The following KIR2DL3 variants were observed in gnomAD, a reference collection of about 807,000 sequenced individuals.
KIR2DL3 encodes the protein killer cell immunoglobulin like receptor, two Ig domains and long cytoplasmic tail 3.
In KIR2DL3, 39 loss-of-function variants were observed where a neutral mutation model predicts 33.8. That is an observed-to-expected ratio of 1.15 (90% CI 0.89 to 1.51). The LOEUF (loss-of-function observed/expected upper bound fraction) is 1.51, where lower values mean the gene tolerates loss of function less well. KIR2DL3 is among the 40% of genes most tolerant of loss of function. KIR2DL3 has a pLI of 0.00. For synonymous variants in KIR2DL3, 174 were observed against 160.2 expected, an observed-to-expected ratio of 1.09 and a Z score of -0.65; for missense variants, 462 against 426.2, an observed-to-expected ratio of 1.08 and a Z score of -0.74.
chr19:54,739,298 G>T (rs1480609039), intron 1 of KIR2DL3, among the ~76,000 whole-genome samples: 2 of 151,836 alleles, frequency 1.3e-5, no homozygotes, highest in Non-Finnish European at 2.9e-5. Flanking sequence ...GCCTGGAGTG[G>T]AGATATGGGC....
intron 4 of KIR2DL3, among the ~76,000 whole-genome samples, chr19:54,744,928 A>ATATATGTG (rs1555906811): frequency 6.0e-5 from 1 of 16,770 alleles, no homozygotes; most frequent in African/African-American, 2.1e-4. Flanking sequence ...AAACATATAT[A>ATATATGTG]TATATATATA....
chr19:54,740,401 C>T (rs1459365832), intron 2 of KIR2DL3, among the ~76,000 whole-genome samples: 104 of 151,604 alleles, frequency 6.9e-4, no homozygotes, highest in African/African-American at 2.4e-3. Context: ...GGTGCCTGTC[C>T]CTGAGCTCTA....
chr19:54,750,217 T>A (rs1183249815), intron 5 of KIR2DL3, among the ~76,000 whole-genome samples: 1 of 133,544 alleles, frequency 7.5e-6, no homozygotes, highest in Non-Finnish European at 1.6e-5. Flanking sequence ...CTGTGGAGAT[T>A]CAGATAGGCT....
chr19:54,744,188 G>A (rs2071795614), intron 4 of KIR2DL3, 100 bp downstream of exon 4: 3 of 1,548,686 alleles, frequency 1.9e-6, no homozygotes, highest in Non-Finnish European at 2.6e-6. Context: ...GATGCAGAGA[G>A]AAGACGAAGC....
At chr19:54,739,174 G>C (rs1480510891) in intron 1 of KIR2DL3, among the ~76,000 whole-genome samples, 1 of 151,462 alleles carries the variant, frequency 6.6e-6, no homozygotes, top group Non-Finnish European at 1.5e-5. Context: ...GGAGATATGG[G>C]CTTAGGGTGG....
At position 54,742,134 on chromosome 19, in the gene KIR2DL3, G is replaced by A. The variant is rs370162660; in HGVS notation, c.225G>A (p.Glu75=). ...KFKDTLHLIG[E]HHDGVSKANF... ...AGGACACTTTGCACCTCATTGGAGA[G>A]CACCATGATGGGGTCTCCAAGGCCA... is the stretch of plus-strand genomic sequence containing the variant. The change falls in exon 3 of 8, where the codon GAG becomes GAA. Residue 75 remains glutamate, a synonymous_variant. Coordinates refer to ENST00000342376, the MANE Select transcript of KIR2DL3 (RefSeq NM_015868.3). 46 of 1,613,836 alleles carry A rather than the reference G, an allele frequency of 2.9e-5. No individual in the cohort carries two copies. In the Middle Eastern group the frequency reaches 4.9e-4, roughly 17 times the overall value.
chr19:54,742,351 T>A lies in KIR2DL3; in HGVS notation c.370+72T>A, dbSNP rs1309269470. ...TGATCCACGACTTGGAACCCCCAGG[T>A]AGTTGTAAGGAAGATGAGCTTGGTA... On this transcript the variant is annotated intron_variant, in intron 3 of 7. Coordinates refer to ENST00000342376, the MANE Select transcript of KIR2DL3 (RefSeq NM_015868.3). 7 of 1,562,572 alleles carry A rather than the reference T, an allele frequency of 4.5e-6. No homozygotes were observed. In the African/African-American group the frequency reaches 8.2e-5, roughly 18 times the overall value.
At chr19:54,739,412 A>G (rs1311276157) in intron 1 of KIR2DL3, 95 bp from the exon 2 acceptor site, 85 of 1,599,218 alleles carry the variant, frequency 5.3e-5, no homozygotes, top group African/African-American at 1.3e-5. Flanking sequence ...CAGCCCAGGA[A>G]GGGCCTGGCT....
At chr19:54,738,778 G>A (rs2070295628) in intron 1 of KIR2DL3, among the ~76,000 whole-genome samples, 199 bp downstream of exon 1, 1 of 150,006 alleles carries the variant, frequency 6.7e-6, no homozygotes, top group African/African-American at 2.5e-5. Flanking sequence ...GCCTGCAGTA[G>A]AGATATGGGC....
rs1303007690 is a variant in KIR2DL3, at chr19:54,752,406, C to G, written c.913C>G (p.Gln305Glu). Reference sequence around the variant, plus strand: ...AGACCCTCAGGAGGTGACATATGCACAGTTGAATCACTGCGTTTTCACACA... The same window carrying G: ...AGACCCTCAGGAGGTGACATATGCAGAGTTGAATCACTGCGTTTTCACACA... ...EQDPQEVTYA[Q>E]LNHCVFTQRK... is the part of the protein sequence containing the mutation. Residue 305 changes from glutamine to glutamate, a missense_variant, in exon 8 of 8, where the codon CAG becomes GAG. Physicochemically the swap from Gln to Glu is conservative, Grantham distance 29 (BLOSUM62 2). Transcript: ENST00000342376. 1 of 1,450,206 alleles carries G rather than the reference C, an allele frequency of 6.9e-7. No individual in the cohort carries two copies. Among genetic ancestry groups the G allele is most frequent in the Non-Finnish European group, 9.3e-7 (1 of 1,070,754 alleles). 89.8% of individuals were successfully genotyped at this position (1,450,206 alleles called of 1,614,324 possible).
chr19:54,740,224 C>T (rs533845590), intron 2 of KIR2DL3, among the ~76,000 whole-genome samples: 5 of 151,936 alleles, frequency 3.3e-5, no homozygotes, highest in Admixed American at 6.6e-5. Flanking sequence ...GAGGGAAGGG[C>T]AGTTCCACAT....
intron 4 of KIR2DL3, among the ~76,000 whole-genome samples, chr19:54,744,641 T>C (rs608126): frequency 0.58 from 85,361 of 147,410 alleles, 24,692 homozygotes; most frequent in Middle Eastern, 0.68. Flanking sequence ...ATTCTCCTGC[T>C]TCAGCCACCT....
At chr19:54,740,270 G>T (rs2070775023) in intron 2 of KIR2DL3, among the ~76,000 whole-genome samples, 2 of 151,992 alleles carry the variant, frequency 1.3e-5, no homozygotes, top group Non-Finnish European at 2.9e-5. Context: ...TCTCCCCAAG[G>T]TGGTCAGGAC....
chr19:54,744,190 A>G (rs2071796165), intron 4 of KIR2DL3, 102 bp downstream of exon 4: 4 of 1,543,912 alleles, frequency 2.6e-6, no homozygotes, highest in Admixed American at 1.9e-5. Flanking sequence ...TGCAGAGAGA[A>G]GACGAAGCTT....
chr19:54,742,383 T>A, intron 3 of KIR2DL3, 104 bp downstream of exon 3: 1 of 1,493,980 alleles, frequency 6.7e-7, no homozygotes, highest in South Asian at 1.1e-5. Context: ...GGTATTCTTA[T>A]GGAGAGAGAC....
rs1041002357 is a variant in KIR2DL3, at chr19:54,750,395, G to A, written c.716-1254G>A. Among the ~76,000 whole-genome samples, 3 of 142,548 alleles carry A rather than the reference G, an allele frequency of 2.1e-5. 1 individual carries two copies. The highest frequency in any genetic ancestry group is 5.3e-5 in the African/African-American group (2 of 37,996). 93.5% of individuals were successfully genotyped at this position (142,548 alleles called of 152,430 possible). A position where few individuals can be genotyped will look rare whatever the true frequency, so the allele number is the denominator to read the frequency against. On this transcript the variant is annotated intron_variant, in intron 5 of 7. Transcript: ENST00000342376. ...GGTCCTTCCCCCAGCCTCTCGGGTA[G>A]AACAGCAGCCTAACATGTGTCTCCC...
At chr19:54,748,392 T>C (rs768724563) in intron 5 of KIR2DL3, among the ~76,000 whole-genome samples, 23 of 143,592 alleles carry the variant, frequency 1.6e-4, no homozygotes, top group Non-Finnish European at 2.6e-4. Context: ...CATTCCTCCT[T>C]TCCATGTAAA....
At chr19:54,743,217 ATGAT>A (rs1213734295) in intron 3 of KIR2DL3, among the ~76,000 whole-genome samples, 2 of 152,232 alleles carry the variant, frequency 1.3e-5, no homozygotes, top group Admixed American at 6.5e-5. Context: ...TACATAGATG[ATGAT>A]TGATTGATTC....
rs1432323588 is a variant in KIR2DL3, at chr19:54,748,608, A to T, written c.715+1223A>T. Among the ~76,000 whole-genome samples the T allele has an allele frequency of 5.4e-5, 8 of 148,578 alleles. 2 individuals are homozygous for T. The highest frequency in any genetic ancestry group is 1.5e-4 in the African/African-American group (6 of 40,396). ...ATCCATTGGGAAGCATCTGTGCATGAAATCTATTTTTTGTTTGTTCTTTTG... is the reference window on the plus strand; with the variant it reads ...ATCCATTGGGAAGCATCTGTGCATGTAATCTATTTTTTGTTTGTTCTTTTG... On this transcript the variant is annotated intron_variant, in intron 5 of 7. Transcript: ENST00000342376.
Sources: allele counts gnomAD v4.1 joint callset (sites outside exome capture counted in the v4.1 genomes callset), GRCh38; gene constraint gnomAD v4.1.1; transcripts MANE v1.5; gene names NCBI Gene and HGNC (gene_info 2026-07-23, HGNC 2026-07-21).